The following CYBRD1 variants were observed in gnomAD, a reference collection of about 807,000 sequenced individuals.
CYBRD1 encodes cytochrome b reductase 1, also known as plasma membrane ascorbate-dependent reductase CYBRD1.
CYBRD1 carries 14 observed loss-of-function variants against 21.9 expected under a neutral mutation model. That is an observed-to-expected ratio of 0.64 (90% CI 0.42 to 1.00). CYBRD1 has a LOEUF of 1.00. CYBRD1 is among the 50% of genes least tolerant of loss of function. The pLI is 0.00. For synonymous variants in CYBRD1, 146 were observed against 136.5 expected (o/e 1.07, Z -0.48); for missense variants, 328 against 352.5 (o/e 0.93, Z 0.56).
chr2:171,547,571 T>A (rs1697735785), intron 2 of CYBRD1, among the ~76,000 whole-genome samples: 1 of 152,016 alleles, frequency 6.6e-6, no homozygotes. Flanking sequence ...AGCTAGGTCC[T>A]TGGGAAGCAG....
chr2:171,522,514 G>T lies in CYBRD1; in HGVS notation c.-32G>T. The T allele has an allele frequency of 6.4e-7, 1 of 1,568,872 alleles. No individual in the cohort carries two copies. The highest frequency in any genetic ancestry group is 1.2e-5 in the South Asian group (1 of 85,838). The stretch of plus-strand genomic sequence containing the variant: ...GCTGCCGCCGCCTCTCCAAGTTCTT[G>T]TGGCCCCCGCGGTGCGGAGTATGGG... On this transcript the variant is annotated 5_prime_UTR_variant, in exon 1 of 4. Coordinates refer to ENST00000321348, the MANE Select transcript of CYBRD1 (RefSeq NM_024843.4). This position sits in a 1 kb window ranked among gnomAD's most constrained non-coding sequence, Gnocchi z 4.3.
chr2:171,534,748 G>T (rs1456442086), intron 1 of CYBRD1, among the ~76,000 whole-genome samples: 1 of 152,182 alleles, frequency 6.6e-6, no homozygotes, highest in Admixed American at 6.5e-5. Flanking sequence ...TAGTGGGTTT[G>T]CAGGCTTATG....
chr2:171,552,117 AC>A (rs1387925054), intron 2 of CYBRD1, among the ~76,000 whole-genome samples: 1 of 152,166 alleles, frequency 6.6e-6, no homozygotes. Context: ...CAAGAAATAT[AC>A]TTTTATATGT....
At chr2:171,533,770 C>CTTTTTTT (rs10707105) in intron 1 of CYBRD1, among the ~76,000 whole-genome samples, 2 of 130,706 alleles carry the variant, frequency 1.5e-5, no homozygotes, top group Non-Finnish European at 1.6e-5. Context: ...TTCTTTCTTT[C>CTTTTTTT]TTTTTTTTTT....
chr2:171,529,259 C>T (rs982837782), intron 1 of CYBRD1, among the ~76,000 whole-genome samples: 7 of 152,170 alleles, frequency 4.6e-5, no homozygotes, highest in East Asian at 3.9e-4. Context: ...CTGCCAGGGG[C>T]GGTGGCTCAT....
intron 2 of CYBRD1, among the ~76,000 whole-genome samples, chr2:171,548,926 A>G (rs964122122): frequency 6.6e-6 from 1 of 152,098 alleles, no homozygotes; most frequent in Non-Finnish European, 1.5e-5. Flanking sequence ...GCAGCATAGC[A>G]AGGCCCTATC....
At chr2:171,536,709 A>G (rs35050777) in intron 1 of CYBRD1, among the ~76,000 whole-genome samples, 25,968 of 152,204 alleles carry the variant, frequency 0.17, 2,309 homozygotes, top group Non-Finnish European at 0.18. Flanking sequence ...TGCTGGGATT[A>G]CAAGTGTGAG....
chr2:171,532,294 A>G (rs6734372), intron 1 of CYBRD1, among the ~76,000 whole-genome samples: 110,408 of 152,126 alleles, frequency 0.73, 40,758 homozygotes, highest in African/African-American at 0.83. Flanking sequence ...AAGTGTAATG[A>G]GCACACCATG....
intron 1 of CYBRD1, among the ~76,000 whole-genome samples, chr2:171,524,246 C>T (rs970006425): frequency 1.3e-5 from 2 of 152,062 alleles, no homozygotes; most frequent in Non-Finnish European, 2.9e-5. Flanking sequence ...TAAGGCATTT[C>T]GTTGCGTAAC....
At chr2:171,545,525 C>T (rs764554992) in intron 2 of CYBRD1, among the ~76,000 whole-genome samples, 1 of 147,932 alleles carries the variant, frequency 6.8e-6, no homozygotes, top group Non-Finnish European at 1.5e-5. Context: ...ATTACAGGCT[C>T]GTGCCACAAC....
At chr2:171,552,082 A>T (rs1333271106) in intron 2 of CYBRD1, among the ~76,000 whole-genome samples, 10 of 152,212 alleles carry the variant, frequency 6.6e-5, no homozygotes, top group Admixed American at 6.5e-4. Flanking sequence ...AAATGCCTAT[A>T]GACCATAAGC....
chr2:171,539,615 G>C (rs1574438195), intron 1 of CYBRD1, among the ~76,000 whole-genome samples: 1 of 152,198 alleles, frequency 6.6e-6, no homozygotes, highest in Admixed American at 6.5e-5. Flanking sequence ...ATGGATAGGG[G>C]CAGGATTTTA....
At chr2:171,543,448 G>C (rs1171581447) in intron 2 of CYBRD1, among the ~76,000 whole-genome samples, 1 of 151,996 alleles carries the variant, frequency 6.6e-6, no homozygotes, top group Non-Finnish European at 1.5e-5. Context: ...TCGCTGGCTT[G>C]GAAACTCTCT....
chr2:171,526,156 A>G (rs1305284022), intron 1 of CYBRD1, among the ~76,000 whole-genome samples: 2 of 152,016 alleles, frequency 1.3e-5, no homozygotes, highest in East Asian at 1.9e-4. Flanking sequence ...AATCCCAGGT[A>G]CTCAGGAGTC....
upstream of CYBRD1, chr2:171,522,415 A>G (rs911141110): frequency 2.0e-6 from 3 of 1,507,100 alleles, no homozygotes; most frequent in Non-Finnish European, 1.8e-6. This position sits in a 1 kb window ranked among gnomAD's most constrained non-coding sequence, Gnocchi z 4.3. Context: ...CAGCCCAGAA[A>G]GTCCCTCCCC....
At chr2:171,541,861 CTTTTTTTTTTTTT>C in intron 2 of CYBRD1, 68 bp downstream of exon 2, 1 of 739,774 alleles carries the variant, frequency 1.4e-6, no homozygotes, top group Non-Finnish European at 2.0e-6. Context: ...GTTTTCTTTT[CTTTTTTTTTTTTT>C]TTTTTTTTGA....
chr2:171,550,765 C>A (rs1395538376), intron 2 of CYBRD1, among the ~76,000 whole-genome samples: 1 of 151,844 alleles, frequency 6.6e-6, no homozygotes, highest in East Asian at 1.9e-4. Flanking sequence ...GACTGTTGAG[C>A]CCTACAGGAT....
At chr2:171,531,310 A>G (rs6730441) in intron 1 of CYBRD1, among the ~76,000 whole-genome samples, 110,390 of 152,068 alleles carry the variant, frequency 0.73, 40,753 homozygotes, top group African/African-American at 0.83. Flanking sequence ...CAATTTCTTC[A>G]TATTATCCTA....
chr2:171,553,502 T>A lies in CYBRD1; in HGVS notation c.557+2T>A, dbSNP rs1476171811. On this transcript the variant is annotated splice_donor_variant, in intron 3 of 3. Coordinates refer to ENST00000321348, the MANE Select transcript of CYBRD1 (RefSeq NM_024843.4). LOFTEE classifies it high-confidence loss of function. Reference sequence around the variant, plus strand: ...GACAGAGAAACTGATTTTTTCCCTGTAAGTTGCATAGTCTTCTTAATTGTA... The same window carrying A: ...GACAGAGAAACTGATTTTTTCCCTGAAAGTTGCATAGTCTTCTTAATTGTA... 1 of 1,611,084 alleles carries A rather than the reference T, an allele frequency of 6.2e-7. No homozygotes were observed. Among genetic ancestry groups the A allele is most frequent in the South Asian group, 1.1e-5 (1 of 90,510 alleles).
Sources: gnomAD v4.1 joint callset for allele counts (sites outside exome capture counted in the v4.1 genomes callset) on GRCh38, gnomAD v4.1.1 for gene constraint, Gnocchi (gnomAD v3.1) non-coding constraint, MANE v1.5 for transcripts, NCBI Gene and HGNC (gene_info 2026-07-23, HGNC 2026-07-21) for gene names.